Variants in KHDRBS3 observed in about 807,000 individuals in gnomAD.
The protein encoded by KHDRBS3 is KH RNA binding domain containing, signal transduction associated 3.
KHDRBS3 carries 23 observed loss-of-function variants against 45.6 expected under a neutral mutation model. The ratio of observed to expected loss-of-function variants is 0.50; its 90% CI spans 0.36 to 0.72. The LOEUF is 0.72. KHDRBS3 is among the 30% of genes least tolerant of loss of function. The pLI is 0.00. For synonymous variants in KHDRBS3, 162 were observed against 156.5 expected (o/e 1.04, Z -0.26); for missense variants, 352 against 424.8 (o/e 0.83, Z 1.51).
intron 1 of KHDRBS3, among the ~76,000 whole-genome samples, chr8:135,478,880 C>T (rs964615343): frequency 2.0e-5 from 3 of 152,068 alleles, no homozygotes; most frequent in African/African-American, 7.2e-5. Context: ...AAATAAGTTA[C>T]CTAACCTTCC....
chr8:135,598,965 A>G (rs1829090278), intron 6 of KHDRBS3, among the ~76,000 whole-genome samples: 2 of 152,262 alleles, frequency 1.3e-5, no homozygotes, highest in South Asian at 4.1e-4. Flanking sequence ...TTGTAAATTC[A>G]TCTGTTCACT....
chr8:135,501,853 C>T (rs1408616144), intron 1 of KHDRBS3, among the ~76,000 whole-genome samples: 1 of 152,110 alleles, frequency 6.6e-6, no homozygotes, highest in African/African-American at 2.4e-5. Flanking sequence ...GTAATTCTCG[C>T]TTTTTGCACT....
At chr8:135,636,156 A>G (rs1830802180) in intron 7 of KHDRBS3, among the ~76,000 whole-genome samples, 1 of 152,176 alleles carries the variant, frequency 6.6e-6, no homozygotes, top group Non-Finnish European at 1.5e-5. Flanking sequence ...ATGTTTATGG[A>G]AAAGGCAGCT....
intron 6 of KHDRBS3, among the ~76,000 whole-genome samples, chr8:135,585,282 A>G (rs1440848208): frequency 6.6e-6 from 1 of 151,732 alleles, no homozygotes; most frequent in Non-Finnish European, 1.5e-5. Flanking sequence ...GATTTTAGAT[A>G]GGGTGGGTGT....
At chr8:135,489,200 C>T (rs1302086007) in intron 1 of KHDRBS3, among the ~76,000 whole-genome samples, 2 of 152,022 alleles carry the variant, frequency 1.3e-5, no homozygotes, top group African/African-American at 4.8e-5. Flanking sequence ...TCAAAGTTTG[C>T]CTTACTAGCT....
chr8:135,548,909 C>T lies in KHDRBS3; in HGVS notation c.471+9C>T, dbSNP rs565744523. 1.9e-6 allele frequency: 3 copies of T among 1,556,766 alleles called. No homozygotes were observed. The highest frequency in any genetic ancestry group is 4.6e-5 in the East Asian group (2 of 43,480). ...AAAAGTTCCTCATCCCTGTTAGTAC[C>T]ATTTTTCTTGATAGTTAACTTGTAC... On this transcript the variant is annotated intron_variant, in intron 4 of 8. Transcript: ENST00000355849.
chr8:135,650,037 C>T (rs1203749981), downstream of KHDRBS3, among the ~76,000 whole-genome samples: 3 of 152,128 alleles, frequency 2.0e-5, no homozygotes, highest in African/African-American at 4.8e-5. Flanking sequence ...TCTCTAAGAG[C>T]ACATTTCATT....
At chr8:135,493,946 G>A (rs1221288147) in intron 1 of KHDRBS3, among the ~76,000 whole-genome samples, 1 of 152,090 alleles carries the variant, frequency 6.6e-6, no homozygotes, top group East Asian at 1.9e-4. Flanking sequence ...TATATAGAAG[G>A]CCTATTCATG....
chr8:135,603,638 T>C (rs998264296), intron 6 of KHDRBS3, among the ~76,000 whole-genome samples: 4 of 152,186 alleles, frequency 2.6e-5, no homozygotes, highest in Non-Finnish European at 5.9e-5. Context: ...CTTTGACAAA[T>C]ATTCAGTTGC....
chr8:135,645,734 A>G (rs533431958), intron 8 of KHDRBS3, among the ~76,000 whole-genome samples: 8 of 152,306 alleles, frequency 5.3e-5, no homozygotes, highest in Admixed American at 4.6e-4. Flanking sequence ...TTTAATAATT[A>G]AAAGAATTGG....
intron 1 of KHDRBS3, among the ~76,000 whole-genome samples, chr8:135,490,279 T>A (rs1316831378): frequency 6.6e-6 from 1 of 151,308 alleles, no homozygotes; most frequent in African/African-American, 2.4e-5. Context: ...CCCCTTCCTC[T>A]CTAGTGGCTT....
At chr8:135,546,240 G>T (rs563079994) in intron 3 of KHDRBS3, among the ~76,000 whole-genome samples, 14 of 151,744 alleles carry the variant, frequency 9.2e-5, no homozygotes, top group African/African-American at 3.4e-4. Context: ...ATTGATTTCA[G>T]TTGATCCTTT....
At position 135,647,246 on chromosome 8, in the gene KHDRBS3, A is replaced by T; in HGVS notation, c.*162A>T. ...TTTGTTGAAACATCAACCTGGGCAG[A>T]AAAAAAAAAAAAAAGACATGTAAAA... is the stretch of plus-strand genomic sequence containing the variant. On this transcript the variant is annotated 3_prime_UTR_variant, in exon 9 of 9. Coordinates refer to ENST00000355849, the MANE Select transcript of KHDRBS3 (RefSeq NM_006558.3). 1.4e-4 allele frequency: 18 copies of T among 129,214 alleles called. No individual in the cohort carries two copies. Among genetic ancestry groups the T allele is most frequent in the African/African-American group, 4.6e-4 (2 of 4,362 alleles). 8.0% of individuals were successfully genotyped at this position (129,214 alleles called of 1,614,324 possible).
intron 1 of KHDRBS3, among the ~76,000 whole-genome samples, chr8:135,466,294 T>C (rs1431701560): frequency 6.6e-6 from 1 of 152,176 alleles, no homozygotes; most frequent in Non-Finnish European, 1.5e-5. Context: ...ACACATTTCT[T>C]CATTTAATCC....
chr8:135,481,230 A>G (rs1288149507), intron 1 of KHDRBS3, among the ~76,000 whole-genome samples: 1 of 56,762 alleles, frequency 1.8e-5, no homozygotes, highest in African/African-American at 9.8e-5. Context: ...CACGATATAT[A>G]TATATATATA....
At chr8:135,509,853 G>A (rs902638820) in intron 1 of KHDRBS3, among the ~76,000 whole-genome samples, 1 of 151,720 alleles carries the variant, frequency 6.6e-6, no homozygotes, top group African/African-American at 2.4e-5. Flanking sequence ...ATTTTTAAAT[G>A]TATCTGGATT....
At chr8:135,499,530 A>G (rs1823627551) in intron 1 of KHDRBS3, among the ~76,000 whole-genome samples, 1 of 152,172 alleles carries the variant, frequency 6.6e-6, no homozygotes, top group Admixed American at 6.5e-5. Flanking sequence ...CACTTTTCTT[A>G]TCTGGAACTT....
intron 5 of KHDRBS3, among the ~76,000 whole-genome samples, chr8:135,568,872 A>G (rs559951736): frequency 1.3e-5 from 2 of 152,284 alleles, no homozygotes; most frequent in East Asian, 3.9e-4. Flanking sequence ...CTCCCCCTGT[A>G]ACTGGTGCCT....
intron 1 of KHDRBS3, among the ~76,000 whole-genome samples, chr8:135,518,768 A>C (rs962431520): frequency 1.2e-5 from 1 of 82,360 alleles, no homozygotes; most frequent in African/African-American, 6.0e-5. Context: ...TTGGTGCTAC[A>C]ATTTTCAAAC....
Sources: allele counts gnomAD v4.1 joint callset (sites outside exome capture counted in the v4.1 genomes callset), GRCh38; gene constraint gnomAD v4.1.1; transcripts MANE v1.5; gene names NCBI Gene and HGNC (gene_info 2026-07-23, HGNC 2026-07-21).